Variants in ANK1 observed in about 807,000 individuals in gnomAD.
The protein encoded by ANK1 is ankyrin-1.
Under a neutral mutation model 210.4 loss-of-function variants are expected in ANK1, and 51 were observed. That is an observed-to-expected ratio of 0.24 (90% CI 0.19 to 0.31). ANK1 has a LOEUF of 0.31. Among genes scored for constraint, ANK1 ranks in the 10% least tolerant of loss-of-function variants. The pLI is 1.00. For synonymous variants in ANK1, 967 were observed against 1,025.9 expected (o/e 0.94, Z 1.10); for missense variants, 2,051 against 2,504.4 (o/e 0.82, Z 3.86).
chr8:41,749,241 T>C (rs1004788560), intron 2 of ANK1, among the ~76,000 whole-genome samples: 1 of 151,952 alleles, frequency 6.6e-6, no homozygotes, highest in Non-Finnish European at 1.5e-5. Context: ...TCATTGTAAC[T>C]GGTCAATAAA....
rs1313668285 is a variant in ANK1, at chr8:41,811,273, G to A, written c.127-53136C>T. ...GGGTTTCAGTTTTTCTTGCTTCAAA[G>A]TTTAATTATAAACTAAATTCCTCTC... On this transcript the variant is annotated intron_variant, in intron 1 of 42. Transcript: ENST00000265709. Among the ~76,000 whole-genome samples, 10 of 152,188 alleles carry A rather than the reference G, an allele frequency of 6.6e-5. No individual in the cohort carries two copies. The East Asian group carries it at 1.2e-3, about 18-fold the overall frequency.
chr8:41,795,243 C>T (rs1357712427), intron 1 of ANK1, among the ~76,000 whole-genome samples: 2 of 152,090 alleles, frequency 1.3e-5, no homozygotes, highest in East Asian at 1.9e-4. Context: ...CCAGGCGCAG[C>T]GGCTCACGCC....
intron 18 of ANK1, 91 bp downstream of exon 18, chr8:41,706,052 G>T: frequency 1.6e-6 from 2 of 1,254,262 alleles, no homozygotes; most frequent in Non-Finnish European, 2.3e-6. Context: ...GTCCCACTGG[G>T]TCTTTGGGGT....
exon 1 of ANK1, chr8:41,896,700 G>T: frequency 2.8e-6 from 1 of 363,458 alleles, no homozygotes; most frequent in Non-Finnish European, 4.2e-6. Flanking sequence ...TGGCGCTGCC[G>T]CCGCGGCCGG....
At chr8:41,717,518 A>C in intron 12 of ANK1, 86 bp downstream of exon 12, 1 of 1,250,762 alleles carries the variant, frequency 8.0e-7, no homozygotes, top group Non-Finnish European at 1.1e-6. Context: ...CTCTGTCCCC[A>C]GAGAGTAGGA....
intron 23 of ANK1, among the ~76,000 whole-genome samples, chr8:41,698,951 C>T (rs912580568): frequency 2.0e-5 from 3 of 151,828 alleles, no homozygotes; most frequent in Non-Finnish European, 4.4e-5. Context: ...TGCGTGCTGC[C>T]ACGCTCAGCT....
intron 1 of ANK1, among the ~76,000 whole-genome samples, chr8:41,872,356 A>G (rs1815702307): frequency 6.6e-6 from 1 of 152,212 alleles, no homozygotes; most frequent in Admixed American, 6.5e-5. Context: ...CCGGGCCCTA[A>G]GGCGAGGCCT....
Position 41,848,635 on chromosome 8 carries a change from C to T in ANK1, c.126+47720G>A, listed in dbSNP as rs368655392. On this transcript the variant is annotated intron_variant, in intron 1 of 42. Coordinates refer to the ANK1 transcript ENST00000265709. The stretch of plus-strand genomic sequence containing the variant: ...GAGTTGGGGGATAAATGGATCTTCT[C>T]CTTCCACCTTGAAGGTGAAGAAAAA... Among the ~76,000 whole-genome samples the T allele has an allele frequency of 3.9e-5, 6 of 152,300 alleles. No homozygotes were observed. The South Asian group carries it at 1.2e-3, about 32-fold the overall frequency.
chr8:41,686,753 T>C (rs1275258794), intron 35 of ANK1, among the ~76,000 whole-genome samples: 1 of 152,218 alleles, frequency 6.6e-6, no homozygotes, highest in Non-Finnish European at 1.5e-5. Flanking sequence ...CCTGAGCTTA[T>C]GCGTCTTCAG....
At chr8:41,783,557 C>T (rs10958698) in intron 1 of ANK1, among the ~76,000 whole-genome samples, 49,903 of 151,984 alleles carry the variant, frequency 0.33, 9,202 homozygotes, top group Non-Finnish European at 0.41. Context: ...CCCCTGCCTA[C>T]GTCCATCCAA....
chr8:41,803,090 A>AAGGGAAGGG (rs777806034), intron 1 of ANK1, among the ~76,000 whole-genome samples: 1,613 of 24,804 alleles, frequency 0.065, 37 homozygotes, highest in Non-Finnish European at 0.1. Context: ...GAAGGGAAGG[A>AAGGGAAGGG]AAGGAAAGGA....
chr8:41,679,738 G>T (rs1366426714), intron 37 of ANK1, among the ~76,000 whole-genome samples: 1 of 150,356 alleles, frequency 6.7e-6, no homozygotes, highest in Admixed American at 6.6e-5. Flanking sequence ...AATTTTTTTT[G>T]TATTTTTAGT....
chr8:41,834,250 G>A (rs553859947), intron 1 of ANK1, among the ~76,000 whole-genome samples: 4 of 152,344 alleles, frequency 2.6e-5, no homozygotes, highest in East Asian at 1.9e-4. Flanking sequence ...CCATGGCCAC[G>A]GGGCAGAAAG....
chr8:41,880,556 C>T (rs568043328), intron 1 of ANK1, among the ~76,000 whole-genome samples: 1 of 152,336 alleles, frequency 6.6e-6, no homozygotes, highest in South Asian at 2.1e-4. Flanking sequence ...GCCTGTCCCA[C>T]CGATATGTCC....
intron 2 of ANK1, among the ~76,000 whole-genome samples, chr8:41,754,893 C>A (rs1310194910): frequency 6.6e-6 from 1 of 152,260 alleles, no homozygotes; most frequent in Non-Finnish European, 1.5e-5. Flanking sequence ...CTGCAGCTAC[C>A]TGTTCTGCTC....
chr8:41,827,560 G>C (rs1248112670), intron 1 of ANK1, among the ~76,000 whole-genome samples: 1 of 152,194 alleles, frequency 6.6e-6, no homozygotes, highest in Non-Finnish European at 1.5e-5. Flanking sequence ...GTTAACTACA[G>C]TTATTTTATA....
intron 14 of ANK1, among the ~76,000 whole-genome samples, chr8:41,715,354 C>A (rs1827340019): frequency 6.6e-6 from 1 of 152,244 alleles, no homozygotes; most frequent in African/African-American, 2.4e-5. Context: ...TAATCCTTTT[C>A]ATATCCCCAG....
intron 1 of ANK1, among the ~76,000 whole-genome samples, chr8:41,815,395 T>C (rs963711115): frequency 2.0e-5 from 3 of 152,144 alleles, no homozygotes; most frequent in African/African-American, 7.2e-5. Flanking sequence ...TTTGCATCAG[T>C]GTACTTTTGA....
chr8:41,771,135 G>C (rs1246940817), intron 1 of ANK1, among the ~76,000 whole-genome samples: 1 of 152,194 alleles, frequency 6.6e-6, no homozygotes, highest in African/African-American at 2.4e-5. Context: ...GGGTTCAATT[G>C]CTATGGAAAA....
Sources: allele counts gnomAD v4.1 joint callset (sites outside exome capture counted in the v4.1 genomes callset), GRCh38; gene constraint gnomAD v4.1.1; transcripts MANE v1.5; gene names NCBI Gene and HGNC (gene_info 2026-07-23, HGNC 2026-07-21).